Variants in APP observed in about 807,000 individuals in gnomAD.
The protein encoded by APP is amyloid-beta precursor protein.
Under a neutral mutation model 101.4 loss-of-function variants are expected in APP, and 31 were observed. The ratio of observed to expected loss-of-function variants is 0.31; its 90% CI spans 0.23 to 0.41. The LOEUF (loss-of-function observed/expected upper bound fraction) is 0.41. Among genes scored for constraint, APP ranks in the 10% least tolerant of loss-of-function variants. The pLI, the probability that APP is intolerant of heterozygous loss-of-function variation, is 1.00. For synonymous variants in APP, 366 were observed against 364.4 expected (o/e 1.00, Z -0.05); for missense variants, 839 against 1,003.7 (o/e 0.84, Z 2.22).
rs200108798 is a variant in APP, at chr21:26,131,905, ATTT to A, written c.58-19762_58-19760del. On this transcript the variant is annotated intron_variant, in intron 1 of 17. Transcript: ENST00000346798. ...CTGGAATCGTGATAGTTGAATTAAGATTTTTTTTTTTTTCACTCAGATCCTGTT... is the reference window on the plus strand; with the variant it reads ...CTGGAATCGTGATAGTTGAATTAAGATTTTTTTTTTCACTCAGATCCTGTT... Among the ~76,000 whole-genome samples the A allele has an allele frequency of 4.1e-5, 6 of 147,716 alleles. No individual in the cohort carries two copies. The East Asian group carries it at 1.2e-3, about 29-fold the overall frequency.
intron 13 of APP, chr21:25,933,718 C>T (rs749003306): frequency 1.3e-5 from 2 of 152,072 alleles, no homozygotes; most frequent in African/African-American, 2.4e-5. Flanking sequence ...CCACAGTTGA[C>T]ACATTTACTC....
intron 11 of APP, among the ~76,000 whole-genome samples, chr21:25,960,209 A>G (rs967248615): frequency 5.6e-4 from 85 of 151,964 alleles, no homozygotes; most frequent in Admixed American, 1.2e-3. Flanking sequence ...TCTTTAATCC[A>G]TAACTAAGGT....
chr21:25,980,126 G>A (rs1453305768), intron 9 of APP, among the ~76,000 whole-genome samples: 1 of 152,216 alleles, frequency 6.6e-6, no homozygotes, highest in Non-Finnish European at 1.5e-5. Context: ...GATGAGCAGA[G>A]TGGCCTGATC....
At chr21:25,905,315 A>G (rs1050230721) in intron 14 of APP, among the ~76,000 whole-genome samples, 4 of 152,170 alleles carry the variant, frequency 2.6e-5, no homozygotes, top group Non-Finnish European at 4.4e-5. Context: ...TTTTCTAATA[A>G]AAGCCCTCAC....
chr21:25,961,905 T>G (rs1260284469), intron 11 of APP, among the ~76,000 whole-genome samples: 2 of 123,632 alleles, frequency 1.6e-5, no homozygotes, highest in Admixed American at 8.8e-5. Flanking sequence ...TTAAGAAACA[T>G]TTTTTTTTTT....
At chr21:26,162,978 A>T (rs764855102) in intron 1 of APP, among the ~76,000 whole-genome samples, 25 of 150,420 alleles carry the variant, frequency 1.7e-4, no homozygotes, top group Non-Finnish European at 3.1e-4. Flanking sequence ...CTGTTATCCC[A>T]GCACTTTGGG....
intron 13 of APP, among the ~76,000 whole-genome samples, chr21:25,951,279 C>G (rs2041063778): frequency 6.6e-6 from 1 of 152,170 alleles, no homozygotes; most frequent in African/African-American, 2.4e-5. Flanking sequence ...TCATTTTCAC[C>G]CATAAAAGAG....
chr21:26,118,367 T>A (rs2062483135), intron 1 of APP, among the ~76,000 whole-genome samples: 1 of 152,178 alleles, frequency 6.6e-6, no homozygotes, highest in South Asian at 2.1e-4. Context: ...CAAAAACAGT[T>A]TACAATCTAG....
intron 5 of APP, among the ~76,000 whole-genome samples, chr21:26,038,044 A>G (rs887722062): frequency 6.6e-6 from 1 of 152,170 alleles, no homozygotes; most frequent in Non-Finnish European, 1.5e-5. Flanking sequence ...TTGCTATTTG[A>G]ATACCTATTT....
chr21:26,149,631 A>C (rs1470914555), intron 1 of APP, among the ~76,000 whole-genome samples: 1 of 152,250 alleles, frequency 6.6e-6, no homozygotes, highest in African/African-American at 2.4e-5. Context: ...TCCCTGTCTT[A>C]AATTTTAAAA....
intron 1 of APP, among the ~76,000 whole-genome samples, chr21:26,122,929 T>C (rs2062606897): frequency 6.6e-6 from 1 of 152,190 alleles, no homozygotes; most frequent in African/African-American, 2.4e-5. Flanking sequence ...GTCTCTCATA[T>C]GTACACATCA....
At chr21:26,072,443 TAA>T (rs56869139) in intron 3 of APP, among the ~76,000 whole-genome samples, 1 of 152,208 alleles carries the variant, frequency 6.6e-6, no homozygotes, top group African/African-American at 2.4e-5. Context: ...TCTGTTTTTT[TAA>T]AAAAGATATT....
intron 17 of APP, among the ~76,000 whole-genome samples, chr21:25,883,508 A>C (rs761565033): frequency 1.4e-4 from 22 of 152,056 alleles, no homozygotes; most frequent in Non-Finnish European, 2.6e-4. Flanking sequence ...TGGCCAACAT[A>C]GTGAAACCCC....
chr21:26,163,671 G>A (rs1321766133), intron 1 of APP, among the ~76,000 whole-genome samples: 2 of 152,108 alleles, frequency 1.3e-5, no homozygotes, highest in African/African-American at 4.8e-5. Context: ...TAGTTGGACA[G>A]GACAATTATA....
At chr21:25,943,051 T>C (rs2040643709) in intron 13 of APP, 1 of 152,202 alleles carries the variant, frequency 6.6e-6, no homozygotes, top group Admixed American at 6.5e-5. Flanking sequence ...AAGTTCCATA[T>C]AAAACACTTT....
At chr21:25,987,243 T>C (rs1423759697) in intron 8 of APP, among the ~76,000 whole-genome samples, 3 of 152,218 alleles carry the variant, frequency 2.0e-5, no homozygotes, top group Admixed American at 1.3e-4. Flanking sequence ...AGCTAGAATA[T>C]GGAGGACGTT....
Position 25,910,146 on chromosome 21 carries a change from A to G in APP, c.1909+1595T>C, listed in dbSNP as rs191732753. On this transcript the variant is annotated intron_variant, in intron 14 of 17. Transcript: ENST00000346798. Reference sequence around the variant, plus strand: ...TACTTTATTTATTTATTTTTTTTAAATTTAAAGTCTCGCTCTGTCACCCAG... The same window carrying G: ...TACTTTATTTATTTATTTTTTTTAAGTTTAAAGTCTCGCTCTGTCACCCAG... 2.1e-3 allele frequency among the ~76,000 whole-genome samples: 326 copies of G among 152,038 alleles called. 3 individuals carry two copies. Among genetic ancestry groups the G allele is most frequent in the African/African-American group, 7.5e-3 (309 of 41,472 alleles).
chr21:25,970,218 C>T (rs1379120677), intron 11 of APP, among the ~76,000 whole-genome samples: 2 of 152,022 alleles, frequency 1.3e-5, no homozygotes, highest in Non-Finnish European at 2.9e-5. Flanking sequence ...ATTACAACCA[C>T]TCTAAAATTA....
At chr21:26,055,763 T>G (rs1347737010) in intron 3 of APP, among the ~76,000 whole-genome samples, 1 of 152,224 alleles carries the variant, frequency 6.6e-6, no homozygotes, top group Non-Finnish European at 1.5e-5. Context: ...GCCTGTCATG[T>G]ACAAATAGGT....
Sources: gnomAD v4.1 joint callset for allele counts (sites outside exome capture counted in the v4.1 genomes callset) on GRCh38, gnomAD v4.1.1 for gene constraint, MANE v1.5 for transcripts, NCBI Gene and HGNC (gene_info 2026-07-23, HGNC 2026-07-21) for gene names.